TENM1: variants seen among roughly 807,000 people sequenced by gnomAD.
The protein encoded by TENM1 is teneurin transmembrane protein 1, also known as teneurin-1.
In TENM1, 35 loss-of-function variants were observed where a neutral mutation model predicts 174.8. That is an observed-to-expected ratio of 0.20 (90% CI 0.15 to 0.27). The LOEUF (loss-of-function observed/expected upper bound fraction) is 0.27, where lower values mean the gene tolerates loss of function less well. TENM1 is among the 10% of genes least tolerant of loss of function. TENM1 has a pLI of 1.00. For missense variants in TENM1, 1,633 were observed against 2,130.1 expected (o/e 0.77, Z 4.59); for synonymous variants, 781 against 798.7 (o/e 0.98, Z 0.37).
rs766355526 is a variant in TENM1 at position 124,960,689 on chromosome X, C to T, written c.217+2848G>A. On this transcript the variant is annotated intron_variant, in intron 1 of 31. Coordinates refer to ENST00000422452, the Ensembl canonical transcript of TENM1. ...ATTGCTTATGTTTTTAGAACTGTCA[C>T]CAGAATGCATTCTTATTTCTACTCA... Among the ~76,000 whole-genome samples the T allele has an allele frequency of 4.1e-4, 46 of 111,740 alleles. 1 individual carries two copies. Among genetic ancestry groups the T allele is most frequent in the Admixed American group, 2.8e-3 (29 of 10,489 alleles).
At chrX:124,734,720 C>A (rs1236317161) in intron 4 of TENM1, among the ~76,000 whole-genome samples, 1 of 111,615 alleles carries the variant, frequency 9.0e-6, no homozygotes, top group Non-Finnish European at 1.9e-5. Context: ...TGCTAAACAA[C>A]AAAAACAATA....
At chrX:124,731,154 G>C (rs1157138087) in intron 4 of TENM1, among the ~76,000 whole-genome samples, 1 of 110,991 alleles carries the variant, frequency 9.0e-6, no homozygotes, top group African/African-American at 3.3e-5. Context: ...CCTGAGGCTT[G>C]AGAAAAAAAC....
chrX:124,965,234 T>C (rs1173521583), upstream of TENM1, among the ~76,000 whole-genome samples: 11 of 110,782 alleles, frequency 9.9e-5, no homozygotes, highest in South Asian at 3.9e-4. Flanking sequence ...CCCGCCACCA[T>C]GCCCGGCTAA....
At chrX:124,930,820 A>T (rs1028562045) in intron 1 of TENM1, among the ~76,000 whole-genome samples, 3 of 112,226 alleles carry the variant, frequency 2.7e-5, no homozygotes, top group Non-Finnish European at 5.6e-5. Flanking sequence ...AGCAGAGCTT[A>T]TTAAAAACGA....
chrX:124,842,131 C>T (rs1341637000), intron 3 of TENM1, among the ~76,000 whole-genome samples: 1 of 111,386 alleles, frequency 9.0e-6, no homozygotes, highest in Non-Finnish European at 1.9e-5. Context: ...GTATTTCTTC[C>T]TCATCACCCC....
intron 1 of TENM1, among the ~76,000 whole-genome samples, chrX:124,900,884 C>T (rs1304478611): frequency 6.5e-5 from 7 of 107,097 alleles, no homozygotes; most frequent in Non-Finnish European, 1.3e-4. Context: ...CTCCACTTCC[C>T]GGGTTCAAGT....
intron 3 of TENM1, among the ~76,000 whole-genome samples, chrX:124,790,260 G>A (rs1344295368): frequency 1.8e-5 from 2 of 112,063 alleles, no homozygotes; most frequent in East Asian, 5.6e-4. Context: ...GGGACACAGA[G>A]TCAAACCATA....
intron 1 of TENM1, among the ~76,000 whole-genome samples, chrX:124,946,472 A>G (rs1438548384): frequency 9.0e-6 from 1 of 111,639 alleles, no homozygotes; most frequent in East Asian, 2.8e-4. Flanking sequence ...TGAAGGCTGG[A>G]TTCTCAGGCT....
intron 1 of TENM1, among the ~76,000 whole-genome samples, chrX:124,912,396 T>C (rs1255126740): frequency 9.0e-6 from 1 of 111,121 alleles, no homozygotes. Flanking sequence ...TATTTTTGGC[T>C]AAATACTTGG....
At chrX:124,744,125 T>C (rs2148564304) in intron 3 of TENM1, among the ~76,000 whole-genome samples, 1 of 111,843 alleles carries the variant, frequency 8.9e-6, no homozygotes, top group Admixed American at 9.5e-5. Context: ...GTGTCTGGTT[T>C]TTTAACTCAG....
chrX:124,953,672 A>C (rs2058526306), intron 1 of TENM1, among the ~76,000 whole-genome samples: 1 of 111,861 alleles, frequency 8.9e-6, no homozygotes, highest in Non-Finnish European at 1.9e-5. Flanking sequence ...TATGTACCCC[A>C]AAAACCAGTT....
At chrX:124,782,451 T>C (rs1226116109) in intron 3 of TENM1, among the ~76,000 whole-genome samples, 1 of 110,930 alleles carries the variant, frequency 9.0e-6, no homozygotes, top group Non-Finnish European at 1.9e-5. Flanking sequence ...CCCCCTCCCA[T>C]GACCATATAT....
intron 18 of TENM1, among the ~76,000 whole-genome samples, chrX:124,505,340 G>C (rs1332324672): frequency 9.0e-6 from 1 of 111,465 alleles, no homozygotes; most frequent in Non-Finnish European, 1.9e-5. Context: ...GGGCGGGGGA[G>C]GAAACTAATC....
chrX:124,381,328 G>A (rs774792821), intron 31 of TENM1, 34 bp from the exon 35 acceptor site: 2 of 1,144,955 alleles, frequency 1.7e-6, no homozygotes, highest in Non-Finnish European at 2.3e-6. Flanking sequence ...GATGCAGCAT[G>A]GAGTTAGACA....
At chrX:124,984,627 G>A in the TENM1 span, among the ~76,000 whole-genome samples, 1 of 111,318 alleles carries the variant, frequency 9.0e-6, no homozygotes, top group South Asian at 3.8e-4. Context: ...AGACAGAATT[G>A]GCCTAAATCT....
chrX:124,656,868 C>T (rs749307995), intron 6 of TENM1, among the ~76,000 whole-genome samples: 42 of 110,853 alleles, frequency 3.8e-4, no homozygotes, highest in South Asian at 7.7e-4. Context: ...AATCCTAGCA[C>T]TTCGGGAGGC....
At chrX:124,800,402 A>G (rs2055415557) in intron 3 of TENM1, among the ~76,000 whole-genome samples, 1 of 110,355 alleles carries the variant, frequency 9.1e-6, no homozygotes, top group South Asian at 3.7e-4. Context: ...AGCTGTTTAT[A>G]GTATTATGAT....
chrX:124,859,632 C>CA (rs778708276), intron 3 of TENM1, among the ~76,000 whole-genome samples: 11 of 109,676 alleles, frequency 1.0e-4, no homozygotes, highest in Non-Finnish European at 1.7e-4. Context: ...AATATAATAA[C>CA]ATTTTAGGTT....
the TENM1 span, among the ~76,000 whole-genome samples, chrX:125,122,932 T>C: frequency 1.8e-5 from 2 of 111,749 alleles, no homozygotes; most frequent in East Asian, 2.8e-4. Flanking sequence ...AATAAAAATC[T>C]TGAATATTCA....
Sources: allele counts gnomAD v4.1 joint callset (sites outside exome capture counted in the v4.1 genomes callset), GRCh38; gene constraint gnomAD v4.1.1; transcripts MANE v1.5; gene names NCBI Gene and HGNC (gene_info 2026-07-23, HGNC 2026-07-21).